Variants in NUP93 observed in about 807,000 individuals in gnomAD.
NUP93 encodes nucleoporin 93, also known as nuclear pore complex protein Nup93.
A neutral mutation model predicts 107.8 loss-of-function variants in NUP93; 55 were observed. That is an observed-to-expected ratio of 0.51 (90% CI 0.41 to 0.64). The LOEUF is 0.64. Among genes scored for constraint, NUP93 ranks in the 30% least tolerant of loss-of-function variants. The pLI is 0.00. For synonymous variants in NUP93, 390 were observed against 397.5 expected (o/e 0.98, Z 0.22); for missense variants, 937 against 1,044.7 (o/e 0.90, Z 1.42).
intron 1 of NUP93, among the ~76,000 whole-genome samples, chr16:56,733,811 A>G (rs879705801): frequency 7.2e-5 from 11 of 152,188 alleles, no homozygotes; most frequent in Non-Finnish European, 1.2e-4. Context: ...CCTGAATAAC[A>G]TAACGTTTGA....
At position 56,823,839 on chromosome 16, in the gene NUP93, G is replaced by T; in HGVS notation, c.787G>T (p.Glu263Ter). The change falls in exon 8 of 22, where the codon GAG becomes TAG. Residue 263 changes from glutamate (E) to a stop codon, truncating the protein, a stop_gained. Transcript: ENST00000308159. LOFTEE classifies it high-confidence loss of function. ...TGTCAGGCAGGCCTTGGCGTACCTT[G>T]AGCAGAGGTAAGGCAGCAGTAGCAC... ...EFVRQALAYL[E>*]QSYKNYTLVT... is the part of the protein sequence containing the mutation. 1 of 1,613,774 alleles carries T rather than the reference G, an allele frequency of 6.2e-7. No homozygotes were observed. The highest frequency in any genetic ancestry group is 1.1e-5 in the South Asian group (1 of 91,058).
rs138431532 is a variant in NUP93 at position 56,752,040 on chromosome 16, A to T, written c.179+3614A>T. ...CACTGAACAGTTTCTACAGGTGTCAACTACTTAAATGACCTTTCTTTTCTG... is the reference window on the plus strand; with the variant it reads ...CACTGAACAGTTTCTACAGGTGTCATCTACTTAAATGACCTTTCTTTTCTG... On this transcript the variant is annotated intron_variant, in intron 2 of 21. Coordinates refer to ENST00000308159, the MANE Select transcript of NUP93 (RefSeq NM_014669.5). Among the ~76,000 whole-genome samples the T allele has an allele frequency of 4.6e-5, 7 of 152,352 alleles. No individual in the cohort carries two copies. The East Asian group carries it at 1.2e-3, about 25-fold the overall frequency.
chr16:56,750,748 T>C (rs1961903587), intron 2 of NUP93, among the ~76,000 whole-genome samples: 1 of 152,190 alleles, frequency 6.6e-6, no homozygotes, highest in Non-Finnish European at 1.5e-5. Flanking sequence ...TTGACAGAGA[T>C]CATGTGCCCT....
chr16:56,846,496 G>A lies in NUP93; in HGVS notation c.*1887G>A, dbSNP rs1352411736. On this transcript the variant is annotated 3_prime_UTR_variant, in exon 22 of 22. Transcript: ENST00000308159. Reference sequence around the variant, plus strand: ...AGGCCAAGGCAGGCAGTTCGCTTGAGGTAAGGGGTTTGAGACCAGTCTGGC... The same window carrying A: ...AGGCCAAGGCAGGCAGTTCGCTTGAAGTAAGGGGTTTGAGACCAGTCTGGC... 6.6e-6 allele frequency: 1 copy of A among 152,140 alleles called. No individual in the cohort carries two copies. The highest frequency in any genetic ancestry group is 1.5e-5 in the Non-Finnish European group (1 of 68,072). The allele number at this position is 152,140 out of a possible 1,614,324, so 9.4% of individuals were successfully genotyped here. A position where few individuals can be genotyped will look rare whatever the true frequency, so the allele number is the denominator to read the frequency against.
intron 9 of NUP93, 33 bp downstream of exon 9, chr16:56,829,142 A>G: frequency 1.2e-6 from 2 of 1,602,940 alleles, no homozygotes; most frequent in Middle Eastern, 1.7e-4. Context: ...GATCAGTTAC[A>G]CCCCCAGAGC....
At chr16:56,820,650 T>A (rs1323798768) in intron 6 of NUP93, among the ~76,000 whole-genome samples, 1 of 152,212 alleles carries the variant, frequency 6.6e-6, no homozygotes, top group Admixed American at 6.5e-5. Context: ...CCCTGGAAGA[T>A]GAATGATACT....
rs765658715 is a variant in NUP93 at position 56,830,506 on chromosome 16, C to T, written c.928-22C>T. ...TCAGCCTTTCCTTGTTTATTTTGAG[C>T]ACTTAACTGTTCCTCTTTTAGGATG... On this transcript the variant is annotated intron_variant, in intron 9 of 21. Transcript: ENST00000308159. The T allele has an allele frequency of 3.2e-6, 5 of 1,546,152 alleles. No individual in the cohort carries two copies. The Admixed American group carries it at 7.4e-5, about 23-fold the overall frequency.
chr16:56,757,961 C>A (rs1021975486), intron 2 of NUP93, among the ~76,000 whole-genome samples: 8 of 152,086 alleles, frequency 5.3e-5, no homozygotes, highest in Non-Finnish European at 8.8e-5. Flanking sequence ...TGCTGTACAA[C>A]CCGGGAGGCT....
At chr16:56,783,688 G>A in intron 3 of NUP93, 1 of 985,416 alleles carries the variant, frequency 1.0e-6, no homozygotes. Context: ...ACAATTAGCT[G>A]TATCATGGTC....
rs140028495 is a variant in NUP93 at position 56,823,842 on chromosome 16, C to G, written c.790C>G (p.Gln264Glu). 395 of 1,613,650 alleles carry G rather than the reference C, an allele frequency of 2.4e-4. No individual in the cohort carries two copies. The African/African-American group carries it at 4.7e-3, about 19-fold the overall frequency. The change falls in exon 8 of 22, where the codon CAG becomes GAG. Residue 264 changes from glutamine (Q) to glutamate (E), a missense_variant. Physicochemically the swap from Gln to Glu is conservative, Grantham distance 29 (BLOSUM62 2). Transcript: ENST00000308159. Reference protein sequence around the residue: ...FVRQALAYLEQSYKNYTLVTV... With the variant: ...FVRQALAYLEESYKNYTLVTV... ...CAGGCAGGCCTTGGCGTACCTTGAG[C>G]AGAGGTAAGGCAGCAGTAGCACAGT...
chr16:56,738,728 T>G (rs528767771), intron 1 of NUP93, among the ~76,000 whole-genome samples: 1 of 152,300 alleles, frequency 6.6e-6, no homozygotes, highest in Admixed American at 6.5e-5. Flanking sequence ...GGAATGATAT[T>G]GTCATCTAGC....
At chr16:56,735,968 T>A (rs1349557359) in intron 1 of NUP93, among the ~76,000 whole-genome samples, 2 of 151,906 alleles carry the variant, frequency 1.3e-5, no homozygotes, top group Non-Finnish European at 2.9e-5. Context: ...TGGCCTTAGG[T>A]GGTAGTGATG....
At chr16:56,782,183 G>T (rs147890060) in intron 3 of NUP93, 56 of 985,190 alleles carry the variant, frequency 5.7e-5, no homozygotes, top group Non-Finnish European at 6.1e-5. Context: ...AGCATCGACC[G>T]TTCTGTAACT....
chr16:56,750,899 C>T lies in NUP93; in HGVS notation c.179+2473C>T, dbSNP rs151331265. On this transcript the variant is annotated intron_variant, in intron 2 of 21. Coordinates refer to ENST00000308159, the MANE Select transcript of NUP93 (RefSeq NM_014669.5). ...TTGAGCTGGGTGCCGTGGCTCATGC[C>T]TGTGACCCCAGCACTTTGGGAGGCT... Among the ~76,000 whole-genome samples, 302 of 152,256 alleles carry T rather than the reference C, an allele frequency of 2.0e-3. 1 individual carries two copies. Among genetic ancestry groups the T allele is most frequent in the African/African-American group, 6.9e-3 (286 of 41,550 alleles).
At chr16:56,812,399 A>G (rs1963335584) in intron 5 of NUP93, among the ~76,000 whole-genome samples, 1 of 151,892 alleles carries the variant, frequency 6.6e-6, no homozygotes, top group Admixed American at 6.6e-5. Flanking sequence ...GCTGGAGTGC[A>G]GTGGCGCGAT....
intron 2 of NUP93, among the ~76,000 whole-genome samples, chr16:56,753,818 C>G (rs1961967494): frequency 6.6e-6 from 1 of 152,066 alleles, no homozygotes; most frequent in Non-Finnish European, 1.5e-5. Context: ...ACAAACACAA[C>G]TTTAAAAGTT....
chr16:56,747,684 C>T (rs1217168052), intron 1 of NUP93, among the ~76,000 whole-genome samples: 1 of 152,144 alleles, frequency 6.6e-6, no homozygotes, highest in Non-Finnish European at 1.5e-5. Context: ...CTTGGTTCAG[C>T]CAAATCACAG....
At chr16:56,749,874 C>T (rs1165973702) in intron 2 of NUP93, among the ~76,000 whole-genome samples, 1 of 152,232 alleles carries the variant, frequency 6.6e-6, no homozygotes, top group East Asian at 1.9e-4. Flanking sequence ...ATGCAGCCAA[C>T]TGCTTCCCTA....
At chr16:56,750,407 T>G (rs576459342) in intron 2 of NUP93, among the ~76,000 whole-genome samples, 1 of 152,250 alleles carries the variant, frequency 6.6e-6, no homozygotes, top group African/African-American at 2.4e-5. Context: ...AAATAAGTTT[T>G]GAAAGAAAAT....
Sources: gnomAD v4.1 joint callset for allele counts (sites outside exome capture counted in the v4.1 genomes callset) on GRCh38, gnomAD v4.1.1 for gene constraint, MANE v1.5 for transcripts, NCBI Gene and HGNC (gene_info 2026-07-23, HGNC 2026-07-21) for gene names.